The following EPAS1 variants were observed in gnomAD, a reference collection of about 807,000 sequenced individuals.
The protein encoded by EPAS1 is endothelial PAS domain protein 1.
EPAS1 carries 23 observed loss-of-function variants against 87.9 expected under a neutral mutation model. The ratio of observed to expected loss-of-function variants is 0.26; its 90% CI spans 0.19 to 0.37. The LOEUF (loss-of-function observed/expected upper bound fraction) is 0.37. EPAS1 is among the 10% of genes least tolerant of loss of function. The pLI is 1.00. For synonymous variants in EPAS1, 508 were observed against 444.3 expected (o/e 1.14, Z -1.80); for missense variants, 1,138 against 1,120.7 (o/e 1.02, Z -0.22).
At chr2:46,376,498 G>C in intron 8 of EPAS1, 41 bp from the exon 9 acceptor site, 2 of 1,609,082 alleles carry the variant, frequency 1.2e-6, no homozygotes, top group East Asian at 2.2e-5. Context: ...AATTTTTCTA[G>C]AAAATGTGGA....
chr2:46,356,844 A>G (rs1440776333), intron 4 of EPAS1, 36 bp downstream of exon 4: 1 of 1,480,070 alleles, frequency 6.8e-7, no homozygotes, highest in East Asian at 2.3e-5. Flanking sequence ...TCTTGCCCCC[A>G]CTGGGTGGGA....
At position 46,346,782 on chromosome 2, in the gene EPAS1, A is replaced by C; in HGVS notation, c.27-91A>C. ...CAGTCTAGTAAGGGAGTGTGGCTGC[A>C]CTGGGGGTTGGGGCCATGGGGATGT... On this transcript the variant is annotated intron_variant, in intron 1 of 15. Coordinates refer to ENST00000263734, the MANE Select transcript of EPAS1 (RefSeq NM_001430.5). The surrounding 1 kb of genome is among the most constrained non-coding windows in gnomAD (Gnocchi z 4.0). The C allele has an allele frequency of 1.5e-6, 2 of 1,372,670 alleles. No homozygotes were observed. The highest frequency in any genetic ancestry group is 2.0e-6 in the Non-Finnish European group (2 of 979,580). The allele number at this position is 1,372,670 out of a possible 1,614,324, so 85.0% of individuals were successfully genotyped here.
At chr2:46,361,916 G>C (rs1174203634) in intron 6 of EPAS1, among the ~76,000 whole-genome samples, 1 of 152,208 alleles carries the variant, frequency 6.6e-6, no homozygotes, top group Admixed American at 6.5e-5. Context: ...CTCTGGGACT[G>C]TGGAGCCTGA....
chr2:46,353,607 C>A (rs1386081484), intron 2 of EPAS1, among the ~76,000 whole-genome samples: 1 of 152,244 alleles, frequency 6.6e-6, no homozygotes, highest in African/African-American at 2.4e-5. Context: ...ATTTTCTCCC[C>A]TAAAGCCCCT....
chr2:46,326,115 T>C (rs1389520611), intron 1 of EPAS1, among the ~76,000 whole-genome samples: 2 of 152,198 alleles, frequency 1.3e-5, no homozygotes, highest in African/African-American at 4.8e-5. Flanking sequence ...TAGGCATCAG[T>C]TGCCCCTGGG....
chr2:46,352,248 A>C (rs1684179814), intron 2 of EPAS1, among the ~76,000 whole-genome samples: 1 of 152,172 alleles, frequency 6.6e-6, no homozygotes, highest in Admixed American at 6.5e-5. Flanking sequence ...GTTCTGACCA[A>C]GAGTTGATGC....
At chr2:46,313,776 T>A (rs774959970) in intron 1 of EPAS1, among the ~76,000 whole-genome samples, 12 of 152,180 alleles carry the variant, frequency 7.9e-5, no homozygotes, top group Non-Finnish European at 1.5e-4. Flanking sequence ...TATTTGCTTA[T>A]CATCTGTCAC....
intron 1 of EPAS1, among the ~76,000 whole-genome samples, chr2:46,303,304 A>G (rs1250505649): frequency 6.6e-6 from 1 of 152,200 alleles, no homozygotes; most frequent in Non-Finnish European, 1.5e-5. Flanking sequence ...GGTGCTGACC[A>G]CCAGCTTAAA....
intron 1 of EPAS1, among the ~76,000 whole-genome samples, chr2:46,311,663 C>T (rs1051555350): frequency 2.0e-5 from 3 of 152,160 alleles, no homozygotes; most frequent in Non-Finnish European, 4.4e-5. Context: ...ACGTCTTTTC[C>T]TTTGTGTTCA....
At chr2:46,349,450 A>G (rs1558597441) in intron 2 of EPAS1, among the ~76,000 whole-genome samples, 1 of 152,204 alleles carries the variant, frequency 6.6e-6, no homozygotes, top group Non-Finnish European at 1.5e-5. Context: ...CAGAGTGGCC[A>G]CAGTGGGACA....
intron 1 of EPAS1, among the ~76,000 whole-genome samples, chr2:46,307,587 G>A (rs1008807064): frequency 3.9e-5 from 6 of 152,068 alleles, no homozygotes; most frequent in African/African-American, 7.2e-5. Flanking sequence ...GCTGATGTGC[G>A]CCTCCCATTT....
At position 46,360,471 on chromosome 2, in the gene EPAS1, C is replaced by A. The variant is rs1414937354; in HGVS notation, c.455-167C>A. Among the ~76,000 whole-genome samples the A allele has an allele frequency of 6.6e-6, 1 of 152,236 alleles. No individual in the cohort carries two copies. Among genetic ancestry groups the A allele is most frequent in the East Asian group, 1.9e-4 (1 of 5,200 alleles). On this transcript the variant is annotated intron_variant, in intron 4 of 15. Transcript: ENST00000263734. The surrounding 1 kb of genome is among the most constrained non-coding windows in gnomAD (Gnocchi z 4.5). ...CTTGAGAGTGGGAACCATTAGTTCACAGGCCATGATGGAGCTCAGTGTTGA... is the reference window on the plus strand; with the variant it reads ...CTTGAGAGTGGGAACCATTAGTTCAAAGGCCATGATGGAGCTCAGTGTTGA...
intron 4 of EPAS1, among the ~76,000 whole-genome samples, chr2:46,358,893 A>C (rs867546919): frequency 2.6e-5 from 4 of 152,294 alleles, no homozygotes; most frequent in Middle Eastern, 3.4e-3. Flanking sequence ...CTTGAACTTT[A>C]TTCCATAGAC....
chr2:46,326,748 G>A (rs1683572208), intron 1 of EPAS1, among the ~76,000 whole-genome samples: 1 of 152,178 alleles, frequency 6.6e-6, no homozygotes, highest in African/African-American at 2.4e-5. Context: ...TCTAGTGGGG[G>A]CCAGGAAGGG....
Position 46,381,716 on chromosome 2 carries a change from G to C in EPAS1, c.2166G>C (p.Leu722=), listed in dbSNP as rs147304489. The C allele has an allele frequency of 4.1e-5, 66 of 1,613,728 alleles. No homozygotes were observed. The African/African-American group carries it at 8.7e-4, about 21-fold the overall frequency. The change falls in exon 13 of 16, where the codon CTG becomes CTC. Residue 722 remains leucine, a synonymous_variant. Coordinates refer to ENST00000263734, the MANE Select transcript of EPAS1 (RefSeq NM_001430.5). ...LEYEEQAFQD[L]SGGDPPGGST... ...ATGAAGAGCAAGCCTTCCAGGACCT[G>C]AGCGGGGTGAGTCATCCCCACTGGC...
intron 1 of EPAS1, among the ~76,000 whole-genome samples, chr2:46,341,299 C>T (rs1246598972): frequency 3.3e-5 from 5 of 152,158 alleles, no homozygotes; most frequent in Admixed American, 1.3e-4. Flanking sequence ...TGGTGACTAA[C>T]GGGGTGGGTA....
rs779718968 is a variant in EPAS1 at position 46,386,623 on chromosome 2, A to G, written c.*1963A>G. 1.3e-5 allele frequency: 2 copies of G among 152,700 alleles called. No homozygotes were observed. Among genetic ancestry groups the G allele is most frequent in the Non-Finnish European group, 2.9e-5 (2 of 68,044 alleles). 9.5% of individuals were successfully genotyped at this position (152,700 alleles called of 1,614,324 possible). On this transcript the variant is annotated 3_prime_UTR_variant, in exon 16 of 16. Coordinates refer to ENST00000263734, the MANE Select transcript of EPAS1 (RefSeq NM_001430.5). ...TTGTCGAATTCCTACTGACAACATT[A>G]TAACTGTATGGGAGCTTAACTTTAT...
At position 46,356,000 on chromosome 2, in the gene EPAS1, G is replaced by A. The variant is rs530767139; in HGVS notation, c.218-151G>A. The A allele has an allele frequency of 1.1e-3, 883 of 810,800 alleles. 15 individuals are homozygous for A. In the South Asian group the frequency reaches 0.012, roughly 11 times the overall value. The allele number at this position is 810,800 out of a possible 1,614,324, so 50.2% of individuals were successfully genotyped here. On this transcript the variant is annotated intron_variant, in intron 2 of 15. Coordinates refer to ENST00000263734, the MANE Select transcript of EPAS1 (RefSeq NM_001430.5). ...TGTGCAGTGGTGCCTGCTGCCAGGC[G>A]GAGGCAGACATTCAGATGGTTGGCA...
Position 46,297,477 on chromosome 2 carries a change from C to G in EPAS1, c.-435C>G. ...TCCGCCCCAGCGCTCCTGAGGCGGCCGTACAATCCTCGGCAGTGTCCTGAG... is the reference window on the plus strand; with the variant it reads ...TCCGCCCCAGCGCTCCTGAGGCGGCGGTACAATCCTCGGCAGTGTCCTGAG... On this transcript the variant is annotated 5_prime_UTR_variant, in exon 1 of 16. Transcript: ENST00000263734. The G allele has an allele frequency of 5.8e-6, 1 of 172,466 alleles. No individual in the cohort carries two copies. The highest frequency in any genetic ancestry group is 1.2e-5 in the Non-Finnish European group (1 of 81,006). The allele number at this position is 172,466 out of a possible 1,614,324, so 10.7% of individuals were successfully genotyped here. A position where few individuals can be genotyped will look rare whatever the true frequency, so the allele number is the denominator to read the frequency against.
Sources: gnomAD v4.1 joint callset for allele counts (sites outside exome capture counted in the v4.1 genomes callset) on GRCh38, gnomAD v4.1.1 for gene constraint, Gnocchi (gnomAD v3.1) non-coding constraint, MANE v1.5 for transcripts, NCBI Gene and HGNC (gene_info 2026-07-23, HGNC 2026-07-21) for gene names.